MOCS3: variants seen among roughly 807,000 people sequenced by gnomAD.
The protein encoded by MOCS3 is molybdenum cofactor synthesis 3, also known as adenylyltransferase and sulfurtransferase MOCS3.
A neutral mutation model predicts 8.4 loss-of-function variants in MOCS3; 9 were observed. The ratio of observed to expected loss-of-function variants is 1.07; its 90% confidence interval spans 0.65 to 1.87. The LOEUF (loss-of-function observed/expected upper bound fraction) is 1.87, where lower values mean the gene tolerates loss of function less well. MOCS3 is among the 40% of genes most tolerant of loss of function. The pLI, the probability that MOCS3 is intolerant of heterozygous loss-of-function variation, is 0.00. For missense variants in MOCS3, 581 were observed against 599.7 expected (o/e 0.97, Z 0.33); for synonymous variants, 294 against 272.0 (o/e 1.08, Z -0.80).
Position 50,960,433 on chromosome 20 carries a change from A to C in MOCS3, c.*208A>C. On this transcript the variant is annotated 3_prime_UTR_variant, in exon 1 of 1. Coordinates refer to ENST00000244051, the MANE Select transcript of MOCS3 (RefSeq NM_014484.5). ...GATTATACCGTTTCTGAGAACCATC[A>C]TTTTTTTTTTCAGCACACGGAGGAT... The C allele has an allele frequency of 2.2e-6, 1 of 455,086 alleles. No homozygotes were observed. The highest frequency in any genetic ancestry group is 2.1e-5 in the African/African-American group (1 of 48,576). The allele number at this position is 455,086 out of a possible 1,614,324, so 28.2% of individuals were successfully genotyped here. A position where few individuals can be genotyped will look rare whatever the true frequency, so the allele number is the denominator to read the frequency against.
In MOCS3 at chr20:50,959,818, TC is replaced by T; in HGVS notation, c.979del (p.Leu327CysfsTer4). On this transcript the variant is annotated frameshift_variant, in exon 1 of 1. Transcript: ENST00000244051. LOFTEE classifies it low-confidence loss of function (END_TRUNC). ...CTCCTCAGCCACTGATAAATGCCGC[TC>T]CCTGCAACTACTGAGCCCAGAGGAG... ...CGSSATDKCRSLQLLSPEERV... is the reference protein window; with the variant it reads ...CGSSATDKCRXLQLLSPEERV... The T allele has an allele frequency of 1.9e-6, 3 of 1,614,218 alleles. No individual in the cohort carries two copies. The highest frequency in any genetic ancestry group is 2.5e-6 in the Non-Finnish European group (3 of 1,180,042).
In MOCS3 at chr20:50,959,847, T is replaced by A. The variant is rs1157332026; in HGVS notation, c.1005T>A (p.Arg335=). Residue 335 remains arginine (R), a synonymous_variant, in exon 1 of 1, where the codon CGT becomes CGA. Coordinates refer to ENST00000244051, the MANE Select transcript of MOCS3 (RefSeq NM_014484.5). ...TGCAACTACTGAGCCCAGAGGAGCGTGTTTCTGTCACCGACTATAAGCGAC... is the reference window on the plus strand; with the variant it reads ...TGCAACTACTGAGCCCAGAGGAGCGAGTTTCTGTCACCGACTATAAGCGAC... ...RSLQLLSPEE[R]VSVTDYKRLL... is the part of the protein sequence containing the mutation. 2 of 1,614,224 alleles carry A rather than the reference T, an allele frequency of 1.2e-6. No individual in the cohort carries two copies. The highest frequency in any genetic ancestry group is 1.7e-6 in the Non-Finnish European group (2 of 1,180,018).
rs1164568083 is a variant in MOCS3 at position 50,961,219 on chromosome 20, T to A, written c.*994T>A. ...TTGCTTTGGAATTTTCAAGTCAAAG[T>A]CCCAACCCTTTGCCTCTCCCCCTTT... On this transcript the variant is annotated 3_prime_UTR_variant, in exon 1 of 1. Coordinates refer to ENST00000244051, the MANE Select transcript of MOCS3 (RefSeq NM_014484.5). 6.0e-6 allele frequency: 1 copy of A among 167,144 alleles called. No homozygotes were observed. The highest frequency in any genetic ancestry group is 2.4e-5 in the African/African-American group (1 of 41,474). The allele number at this position is 167,144 out of a possible 1,614,324, so 10.4% of individuals were successfully genotyped here.
rs1987002229 is a variant in MOCS3, at chr20:50,958,941, G to T, written c.99G>T (p.Leu33Phe). 1.2e-6 allele frequency: 2 copies of T among 1,610,756 alleles called. No homozygotes were observed. Among genetic ancestry groups the T allele is most frequent in the South Asian group, 2.2e-5 (2 of 91,048 alleles). Residue 33 changes from leucine to phenylalanine, a missense_variant, in exon 1 of 1, where the codon TTG becomes TTT. By Grantham distance (22) the Leu-to-Phe change is conservative. Transcript: ENST00000244051. ...SLKQKLASAL[L>F]AEQEPQPERL... is the part of the protein sequence containing the mutation. ...AGCAGAAGCTGGCGTCGGCTCTTTT[G>T]GCTGAGCAGGAACCGCAGCCAGAAC...
chr20:50,958,999 G>T lies in MOCS3; in HGVS notation c.157G>T (p.Ala53Ser). 1 of 1,610,002 alleles carries T rather than the reference G, an allele frequency of 6.2e-7. No homozygotes were observed. The highest frequency in any genetic ancestry group is 1.1e-5 in the South Asian group (1 of 91,036). The change falls in exon 1 of 1, where the codon GCC becomes TCC. Residue 53 changes from alanine (A) to serine (S), a missense_variant. Physicochemically the swap from Ala to Ser is moderately conservative, Grantham distance 99. Transcript: ENST00000244051. Reference protein sequence around the residue: ...LVPVSPLPPKAALSRDEILRY... With the variant: ...LVPVSPLPPKSALSRDEILRY... ...TCCGGTGTCGCCGCTGCCGCCGAAG[G>T]CCGCTCTGTCCCGAGATGAGATTCT...
chr20:50,960,287 G>T lies in MOCS3; in HGVS notation c.*62G>T. ...GCCATAATACCTCAAAGATACACTT[G>T]TTTGCATTTTTCGGTAATATACATA... On this transcript the variant is annotated 3_prime_UTR_variant, in exon 1 of 1. Transcript: ENST00000244051. The T allele has an allele frequency of 6.7e-7, 1 of 1,503,232 alleles. No homozygotes were observed. Among genetic ancestry groups the T allele is most frequent in the Non-Finnish European group, 8.9e-7 (1 of 1,121,520 alleles). The allele number at this position is 1,503,232 out of a possible 1,614,324, so 93.1% of individuals were successfully genotyped here.
In MOCS3 at chr20:50,962,572, G is replaced by A. The variant is rs1248481492; in HGVS notation, c.*2347G>A. On this transcript the variant is annotated 3_prime_UTR_variant, in exon 1 of 1. Transcript: ENST00000244051. ...TTGTTGTTGTTGTTTTGGAGACAGA[G>A]TCTCGCTCTATCCCCCAGGCTGGAT... 11 of 152,268 alleles carry A rather than the reference G, an allele frequency of 7.2e-5. No homozygotes were observed. Among genetic ancestry groups the A allele is most frequent in the Admixed American group, 7.2e-4 (11 of 15,282 alleles). 9.4% of individuals were successfully genotyped at this position (152,268 alleles called of 1,614,324 possible).
At position 50,959,445 on chromosome 20, in the gene MOCS3, G is replaced by A. The variant is rs781020573; in HGVS notation, c.603G>A (p.Val201=). ...DACVLAGRPL[V]SASALRFEGQ... ...GTGTGCTGGCGGGTCGGCCCCTCGT[G>A]TCTGCCAGTGCCTTGCGCTTCGAGG... The change falls in exon 1 of 1, where the codon GTG becomes GTA. Residue 201 remains valine (V), a synonymous_variant. Coordinates refer to ENST00000244051, the MANE Select transcript of MOCS3 (RefSeq NM_014484.5). 9 of 1,613,820 alleles carry A rather than the reference G, an allele frequency of 5.6e-6. No homozygotes were observed. Among genetic ancestry groups the A allele is most frequent in the East Asian group, 2.2e-5 (1 of 44,900 alleles).
chr20:50,962,427 G>A lies in MOCS3; in HGVS notation c.*2202G>A, dbSNP rs1197069236. 6.6e-6 allele frequency: 1 copy of A among 152,166 alleles called. No individual in the cohort carries two copies. The highest frequency in any genetic ancestry group is 1.5e-5 in the Non-Finnish European group (1 of 68,042). 9.4% of individuals were successfully genotyped at this position (152,166 alleles called of 1,614,324 possible). A position where few individuals can be genotyped will look rare whatever the true frequency, so the allele number is the denominator to read the frequency against. ...AATTTGTGTTTTGATATCTACAATA[G>A]GAAGACAGAACTCATGATGTGGGAT... On this transcript the variant is annotated 3_prime_UTR_variant, in exon 1 of 1. Coordinates refer to ENST00000244051, the MANE Select transcript of MOCS3 (RefSeq NM_014484.5).
rs1987037017 is a variant in MOCS3 at position 50,959,586 on chromosome 20, T to C, written c.744T>C (p.Val248=). The C allele has an allele frequency of 6.2e-7, 1 of 1,614,012 alleles. No homozygotes were observed. Among genetic ancestry groups the C allele is most frequent in the African/African-American group, 1.3e-5 (1 of 74,948 alleles). ...CGGACGGCGGGGTGCTCGGTGTCGT[T>C]ACCGGGGTCCTGGGCTGCCTGCAGG... is the stretch of plus-strand genomic sequence containing the variant. ...NCADGGVLGV[V]TGVLGCLQAL... Residue 248 remains valine, a synonymous_variant, in exon 1 of 1, where the codon GTT becomes GTC. Transcript: ENST00000244051.
rs1356022938 is a variant in MOCS3 at position 50,960,707 on chromosome 20, T to G, written c.*482T>G. ...TTGTTTTAATTATTCAGAAAGAGGG[T>G]CATTCTATTTGGCCTTTTGAATTAG... On this transcript the variant is annotated 3_prime_UTR_variant, in exon 1 of 1. Coordinates refer to ENST00000244051, the MANE Select transcript of MOCS3 (RefSeq NM_014484.5). The G allele has an allele frequency of 6.0e-6, 1 of 167,344 alleles. No homozygotes were observed. The highest frequency in any genetic ancestry group is 1.5e-5 in the Non-Finnish European group (1 of 68,468). 10.4% of individuals were successfully genotyped at this position (167,344 alleles called of 1,614,324 possible). A position where few individuals can be genotyped will look rare whatever the true frequency, so the allele number is the denominator to read the frequency against.
Position 50,962,185 on chromosome 20 carries a change from C to G in MOCS3, c.*1960C>G, listed in dbSNP as rs935579603. The G allele has an allele frequency of 1.3e-5, 2 of 152,230 alleles. No individual in the cohort carries two copies. Among genetic ancestry groups the G allele is most frequent in the African/African-American group, 4.8e-5 (2 of 41,448 alleles). 9.4% of individuals were successfully genotyped at this position (152,230 alleles called of 1,614,324 possible). Reference sequence around the variant, plus strand: ...TTAGGAGAACAGTGTCTATGTTGTGCTGCCCTATCAAGTACCGGAGGAAAC... The same window carrying G: ...TTAGGAGAACAGTGTCTATGTTGTGGTGCCCTATCAAGTACCGGAGGAAAC... On this transcript the variant is annotated 3_prime_UTR_variant, in exon 1 of 1. Transcript: ENST00000244051.
Position 50,959,829 on chromosome 20 carries a change from ACT to A in MOCS3, c.988_989del (p.Leu330GlufsTer12). 6.2e-7 allele frequency: 1 copy of A among 1,614,206 alleles called. No homozygotes were observed. The highest frequency in any genetic ancestry group is 1.3e-5 in the African/African-American group (1 of 75,058). ...CTGATAAATGCCGCTCCCTGCAACT[ACT>A]GAGCCCAGAGGAGCGTGTTTCTGTC... is the stretch of plus-strand genomic sequence containing the variant. ...ATDKCRSLQLLSPEERVSVTD... is the reference protein window; with the variant it reads ...ATDKCRSLQLXSPEERVSVTD... On this transcript the variant is annotated frameshift_variant, in exon 1 of 1. Transcript: ENST00000244051. LOFTEE classifies it low-confidence loss of function (END_TRUNC).
At position 50,959,950 on chromosome 20, in the gene MOCS3, G is replaced by A. The variant is rs1373706882; in HGVS notation, c.1108G>A (p.Ala370Thr). 6.2e-7 allele frequency: 1 copy of A among 1,614,266 alleles called. No homozygotes were observed. ...GGTGGACATTTGTCGTTTGCCTCAT[G>A]CCCTACACATCCCTCTGAAACATTT... ...VEVDICRLPHALHIPLKHLER... is the reference protein window; with the variant it reads ...VEVDICRLPHTLHIPLKHLER... The change falls in exon 1 of 1, where the codon GCC (alanine) becomes ACC (threonine). Residue 370 changes from alanine (A) to threonine (T), a missense_variant. Ala to Thr is a moderately conservative substitution (Grantham distance 58, BLOSUM62 0). Coordinates refer to ENST00000244051, the MANE Select transcript of MOCS3 (RefSeq NM_014484.5).
chr20:50,959,112 C>A lies in MOCS3; in HGVS notation c.270C>A (p.Cys90Ter). ...LGTACVLIVG[C>*]GGLGCPLAQY... ...CCGCGTGCGTGCTAATCGTGGGCTG[C>A]GGTGGGCTCGGCTGTCCACTAGCGC... is the stretch of plus-strand genomic sequence containing the variant. The change falls in exon 1 of 1, where the codon TGC becomes TGA. Residue 90 changes from cysteine (C) to a stop codon, truncating the protein, a stop_gained. Transcript: ENST00000244051. LOFTEE classifies it low-confidence loss of function (END_TRUNC). 2 of 1,613,070 alleles carry A rather than the reference C, an allele frequency of 1.2e-6. No homozygotes were observed. Among genetic ancestry groups the A allele is most frequent in the Non-Finnish European group, 1.7e-6 (2 of 1,179,908 alleles).
Position 50,960,009 on chromosome 20 carries a change from A to C in MOCS3, c.1167A>C (p.Leu389Phe). 2 of 1,614,268 alleles carry C rather than the reference A, an allele frequency of 1.2e-6. No homozygotes were observed. The highest frequency in any genetic ancestry group is 1.7e-6 in the Non-Finnish European group (2 of 1,180,050). The change falls in exon 1 of 1, where the codon TTA (leucine) becomes TTC (phenylalanine). Residue 389 changes from leucine (L) to phenylalanine (F), a missense_variant. Transcript: ENST00000244051. ...GGGATGCGGAGAGCCTGAAACTCTT[A>C]AAAGAAGCAATCTGGGAAGAGAAGC... ...ERRDAESLKL[L>F]KEAIWEEKQG...
Position 50,959,346 on chromosome 20 carries a change from C to G in MOCS3, c.504C>G (p.Asp168Glu). The G allele has an allele frequency of 6.2e-7, 1 of 1,611,134 alleles. No individual in the cohort carries two copies. Among genetic ancestry groups the G allele is most frequent in the Non-Finnish European group, 8.5e-7 (1 of 1,178,666 alleles). ...TQALTPATAL[D>E]LVRRYDVVAD... ...CCCTTACGCCAGCCACTGCCCTAGA[C>G]CTGGTCCGCCGATATGATGTGGTGG... The change falls in exon 1 of 1, where the codon GAC (aspartate) becomes GAG (glutamate). Residue 168 changes from aspartate (D) to glutamate (E), a missense_variant. Asp to Glu is a conservative substitution (Grantham distance 45, BLOSUM62 2). Transcript: ENST00000244051.
rs1208299236 is a variant in MOCS3 at position 50,958,882 on chromosome 20, G to C, written c.40G>C (p.Val14Leu). The part of the protein sequence containing the change: ...REEVLALQAE[V>L]AQREEELNSL... ...GGAGGTACTCGCCTTACAAGCTGAA[G>C]TTGCCCAACGTGAGGAGGAATTGAA... Residue 14 changes from valine to leucine, a missense_variant, in exon 1 of 1, where the codon GTT (valine) becomes CTT (leucine). Val to Leu is a conservative substitution (Grantham distance 32). Coordinates refer to ENST00000244051, the MANE Select transcript of MOCS3 (RefSeq NM_014484.5). 1 of 1,601,130 alleles carries C rather than the reference G, an allele frequency of 6.2e-7. No individual in the cohort carries two copies. Among genetic ancestry groups the C allele is most frequent in the Non-Finnish European group, 8.5e-7 (1 of 1,170,104 alleles).
In MOCS3 at chr20:50,959,249, C is replaced by A; in HGVS notation, c.407C>A (p.Ala136Asp). 6.2e-7 allele frequency: 1 copy of A among 1,610,634 alleles called. No homozygotes were observed. The highest frequency in any genetic ancestry group is 8.5e-7 in the Non-Finnish European group (1 of 1,179,380). Reference protein sequence around the residue: ...VLHGEALAGQAKAFSAAASLR... With the variant: ...VLHGEALAGQDKAFSAAASLR... The stretch of plus-strand genomic sequence containing the variant: ...CATGGCGAGGCACTGGCTGGCCAGG[C>A]CAAGGCCTTTTCGGCCGCCGCCTCG... The change falls in exon 1 of 1, where the codon GCC (alanine) becomes GAC (aspartate). Residue 136 changes from alanine to aspartate, a missense_variant. Transcript: ENST00000244051.
Sources: gnomAD v4.1 joint callset for allele counts on GRCh38, gnomAD v4.1.1 for gene constraint, MANE v1.5 for transcripts, NCBI Gene and HGNC (gene_info 2026-07-23, HGNC 2026-07-21) for gene names.